Variants in CLASP1 observed in about 807,000 individuals in gnomAD.
CLASP1 encodes CLIP-associating protein 1.
A neutral mutation model predicts 192.3 loss-of-function variants in CLASP1; 38 were observed. The observed-to-expected ratio is 0.20, with a 90% CI of 0.15 to 0.26. The LOEUF is 0.26. Among genes scored for constraint, CLASP1 ranks in the 10% least tolerant of loss-of-function variants. The pLI, the probability that CLASP1 is intolerant of heterozygous loss-of-function variation, is 1.00. For synonymous variants in CLASP1, 691 were observed against 712.8 expected, an observed-to-expected ratio of 0.97 and a Z score of 0.49; for missense variants, 1,433 against 1,932.5, an observed-to-expected ratio of 0.74 and a Z score of 4.85.
intron 2 of CLASP1, among the ~76,000 whole-genome samples, chr2:121,581,703 G>A (rs948124365): frequency 6.6e-6 from 1 of 152,132 alleles, no homozygotes; most frequent in South Asian, 2.1e-4. Context: ...TGGGCAACAT[G>A]GTGAGACCCC....
At chr2:121,556,598 T>C (rs187391513) in intron 2 of CLASP1, among the ~76,000 whole-genome samples, 2 of 152,314 alleles carry the variant, frequency 1.3e-5, no homozygotes, top group East Asian at 3.9e-4. Flanking sequence ...TCAAATGTCA[T>C]AAAATTCACT....
At chr2:121,648,373 G>A (rs1276506544) in intron 1 of CLASP1, among the ~76,000 whole-genome samples, 1 of 152,090 alleles carries the variant, frequency 6.6e-6, no homozygotes, top group Non-Finnish European at 1.5e-5. Context: ...ACAAATGAAA[G>A]TATCATGTTT....
chr2:121,436,352 C>CA (rs2082315214), intron 19 of CLASP1, among the ~76,000 whole-genome samples: 1 of 151,400 alleles, frequency 6.6e-6, no homozygotes, highest in South Asian at 2.1e-4. Flanking sequence ...TGTTTAACTG[C>CA]AGATTTTTTA....
At chr2:121,572,272 C>T (rs2060048528) in intron 2 of CLASP1, among the ~76,000 whole-genome samples, 1 of 151,956 alleles carries the variant, frequency 6.6e-6, no homozygotes, top group African/African-American at 2.4e-5. Flanking sequence ...ACTAAAAATA[C>T]AAAAAATTAG....
chr2:121,347,952 C>T (rs184391502), intron 38 of CLASP1, among the ~76,000 whole-genome samples: 1 of 122,556 alleles, frequency 8.2e-6, no homozygotes, highest in Non-Finnish European at 1.7e-5. Context: ...CCCCACCCCC[C>T]ACCCCAACCT....
intron 1 of CLASP1, among the ~76,000 whole-genome samples, chr2:121,621,718 T>C (rs1014792296): frequency 7.2e-5 from 11 of 152,244 alleles, no homozygotes; most frequent in African/African-American, 2.7e-4. Flanking sequence ...TGTAACTTTG[T>C]AGTAAGTTAT....
At chr2:121,596,643 C>T (rs1032465692) in intron 2 of CLASP1, among the ~76,000 whole-genome samples, 3 of 152,160 alleles carry the variant, frequency 2.0e-5, no homozygotes, top group Non-Finnish European at 4.4e-5. Flanking sequence ...CAAGGAAGTG[C>T]TAACCAGAAA....
At chr2:121,383,672 G>A (rs994536514) in intron 32 of CLASP1, among the ~76,000 whole-genome samples, 5 of 151,920 alleles carry the variant, frequency 3.3e-5, no homozygotes, top group Non-Finnish European at 7.4e-5. Flanking sequence ...TGGCAGACCA[G>A]AGCAAGGACC....
At chr2:121,348,788 T>G in intron 37 of CLASP1, 70 bp from the exon 39 acceptor site, 1 of 1,370,336 alleles carries the variant, frequency 7.3e-7, no homozygotes, top group South Asian at 1.5e-5. Flanking sequence ...AACATCACTT[T>G]TGATTTCAGA....
At chr2:121,451,573 A>T (rs1428732707) in intron 15 of CLASP1, among the ~76,000 whole-genome samples, 1 of 152,278 alleles carries the variant, frequency 6.6e-6, no homozygotes, top group Non-Finnish European at 1.5e-5. Flanking sequence ...TGCAGCTGTC[A>T]GAATGCACAT....
intron 8 of CLASP1, among the ~76,000 whole-genome samples, chr2:121,500,813 C>T (rs1048620060): frequency 3.3e-5 from 5 of 152,156 alleles, no homozygotes; most frequent in Admixed American, 1.3e-4. Flanking sequence ...CTGAAATTAT[C>T]GGCCTCCAAG....
chr2:121,517,699 A>T (rs1281442852), intron 6 of CLASP1, among the ~76,000 whole-genome samples: 3 of 151,332 alleles, frequency 2.0e-5, no homozygotes, highest in South Asian at 2.1e-4. Context: ...TACAAAAAAA[A>T]TTTTTCTTAA....
chr2:121,380,636 A>G (rs376876401), intron 33 of CLASP1, among the ~76,000 whole-genome samples: 2 of 152,196 alleles, frequency 1.3e-5, no homozygotes, highest in African/African-American at 4.8e-5. Context: ...TTGTAGGAAA[A>G]GGGTACAATG....
chr2:121,547,990 A>G (rs1460924295), intron 2 of CLASP1, among the ~76,000 whole-genome samples: 1 of 152,214 alleles, frequency 6.6e-6, no homozygotes, highest in African/African-American at 2.4e-5. Context: ...CAAAAAACCA[A>G]TGCAAGAACT....
intron 2 of CLASP1, among the ~76,000 whole-genome samples, chr2:121,605,037 A>G (rs1385669596): frequency 2.0e-5 from 3 of 152,180 alleles, no homozygotes; most frequent in East Asian, 3.9e-4. Flanking sequence ...TTCAAGTCCA[A>G]TCTAGTTTTT....
intron 37 of CLASP1, among the ~76,000 whole-genome samples, chr2:121,350,277 G>C (rs1354406871): frequency 5.9e-5 from 9 of 152,234 alleles, no homozygotes; most frequent in Non-Finnish European, 4.4e-5. Context: ...TGTGAGTGAA[G>C]CAAGACAGGC....
chr2:121,557,180 T>C (rs907635271), intron 2 of CLASP1, among the ~76,000 whole-genome samples: 19 of 152,374 alleles, frequency 1.2e-4, no homozygotes, highest in African/African-American at 4.6e-4. Flanking sequence ...GAGCACGTGA[T>C]AGAACTTACT....
At chr2:121,636,189 T>C (rs950782134) in intron 1 of CLASP1, among the ~76,000 whole-genome samples, 1 of 150,138 alleles carries the variant, frequency 6.7e-6, no homozygotes, top group African/African-American at 2.5e-5. Flanking sequence ...ACACAAAAAT[T>C]AGCCAGGCAC....
In CLASP1 at chr2:121,476,070, T is replaced by C. The variant is rs150761473; in HGVS notation, c.713-6110A>G. On this transcript the variant is annotated intron_variant, in intron 8 of 39. Coordinates refer to ENST00000263710, the Ensembl canonical transcript of CLASP1. ...CCCCACCCCTGGCAATCCAAATAAG[T>C]AGACATAATGAAGGGAAAAATAGCA... 1.5e-3 allele frequency among the ~76,000 whole-genome samples: 224 copies of C among 152,118 alleles called. 1 individual carries two copies. The highest frequency in any genetic ancestry group is 5.2e-3 in the African/African-American group (216 of 41,464).
Sources: gnomAD v4.1 joint callset for allele counts (sites outside exome capture counted in the v4.1 genomes callset) on GRCh38, gnomAD v4.1.1 for gene constraint, MANE v1.5 for transcripts, NCBI Gene and HGNC (gene_info 2026-07-23, HGNC 2026-07-21) for gene names.